Variants in CCDC192 observed in about 807,000 individuals in gnomAD.
CCDC192 encodes coiled-coil domain-containing protein 192.
At chr5:127,735,369 C>G (rs1195199660) in intron 2 of CCDC192, among the ~76,000 whole-genome samples, 2 of 148,256 alleles carry the variant, frequency 1.3e-5, no homozygotes, top group African/African-American at 5.2e-5. Flanking sequence ...TGTGATGCCT[C>G]CAGCTTTGTT....
chr5:127,763,996 C>T (rs1000463106), intron 3 of CCDC192, among the ~76,000 whole-genome samples: 7 of 152,254 alleles, frequency 4.6e-5, no homozygotes, highest in South Asian at 2.1e-4. Flanking sequence ...TCCCACCTCC[C>T]GCCGATAATA....
rs1756791854 is a variant in CCDC192 at position 127,790,289 on chromosome 5, A to G, written c.223-6814A>G. On this transcript the variant is annotated intron_variant, in intron 3 of 6. Coordinates refer to ENST00000514853, the MANE Select transcript of CCDC192 (RefSeq NM_001317938.2). ...GAAATATCTATCTTATGCCTGTACC[A>G]TCCTGTATTTTGGGGCTTGGAGGCC... 3.3e-5 allele frequency among the ~76,000 whole-genome samples: 5 copies of G among 152,036 alleles called. No homozygotes were observed. In the South Asian group the frequency reaches 1.0e-3, roughly 32 times the overall value.
chr5:127,792,970 G>A (rs1180167255), intron 3 of CCDC192, among the ~76,000 whole-genome samples: 1 of 152,128 alleles, frequency 6.6e-6, no homozygotes, highest in African/African-American at 2.4e-5. Context: ...CTTGAAAATA[G>A]ATGTCTTAGT....
At chr5:127,896,985 A>G (rs369913360) in intron 6 of CCDC192, among the ~76,000 whole-genome samples, 3 of 152,064 alleles carry the variant, frequency 2.0e-5, no homozygotes, top group East Asian at 3.9e-4. Flanking sequence ...TATGGAGCAA[A>G]TGTACCAGAA....
chr5:127,723,327 ATTTG>A (rs141966462), intron 2 of CCDC192, among the ~76,000 whole-genome samples: 8,375 of 152,194 alleles, frequency 0.055, 525 homozygotes, highest in East Asian at 0.27. Flanking sequence ...ACTTTACTAA[ATTTG>A]TTTGTCAGTT....
intron 5 of CCDC192, among the ~76,000 whole-genome samples, chr5:127,837,961 A>C (rs2539715): frequency 1.3e-5 from 2 of 152,046 alleles, no homozygotes; most frequent in Admixed American, 6.6e-5. Context: ...GCACTCCAGC[A>C]CTCCAGCCTG....
intron 5 of CCDC192, among the ~76,000 whole-genome samples, chr5:127,811,542 G>A (rs1758082284): frequency 6.6e-6 from 1 of 152,164 alleles, no homozygotes; most frequent in Admixed American, 6.5e-5. Flanking sequence ...AGATAGTTGA[G>A]TCAAAATGTG....
chr5:127,711,587 G>A (rs931552723), intron 2 of CCDC192, among the ~76,000 whole-genome samples: 7 of 151,964 alleles, frequency 4.6e-5, no homozygotes, highest in African/African-American at 1.7e-4. Context: ...CATATTTCTG[G>A]TATCTATAAA....
chr5:127,778,604 G>C (rs1025321862), intron 3 of CCDC192, among the ~76,000 whole-genome samples: 2 of 152,146 alleles, frequency 1.3e-5, no homozygotes, highest in African/African-American at 4.8e-5. Flanking sequence ...TTTAGTATTA[G>C]GGTAACATAT....
intron 5 of CCDC192, among the ~76,000 whole-genome samples, chr5:127,847,738 A>C (rs1017204462): frequency 5.9e-5 from 9 of 151,918 alleles, no homozygotes; most frequent in African/African-American, 1.9e-4. Context: ...AGGAGAATCC[A>C]CTTGAACCTG....
intron 2 of CCDC192, among the ~76,000 whole-genome samples, chr5:127,709,330 G>A (rs1288840657): frequency 6.6e-6 from 1 of 152,012 alleles, no homozygotes; most frequent in Non-Finnish European, 1.5e-5. Flanking sequence ...CCAAGGGGAT[G>A]GGGCTAAACC....
intron 5 of CCDC192, among the ~76,000 whole-genome samples, chr5:127,865,962 T>C (rs1472762095): frequency 6.6e-6 from 1 of 151,954 alleles, no homozygotes; most frequent in Non-Finnish European, 1.5e-5. Flanking sequence ...CCCTCTGAGC[T>C]TTTTTTTATA....
intron 6 of CCDC192, among the ~76,000 whole-genome samples, chr5:127,900,164 C>T (rs1027621842): frequency 2.0e-5 from 3 of 152,172 alleles, no homozygotes; most frequent in Non-Finnish European, 4.4e-5. Context: ...CCTCAGTTTT[C>T]TCATTGCCTT....
chr5:127,854,463 A>C (rs144482832), intron 5 of CCDC192, among the ~76,000 whole-genome samples: 249 of 152,260 alleles, frequency 1.6e-3, no homozygotes, highest in African/African-American at 5.5e-3. Context: ...TTTTATTATT[A>C]ATAGTTAATC....
intron 3 of CCDC192, among the ~76,000 whole-genome samples, chr5:127,792,957 A>C (rs975295394): frequency 1.3e-5 from 2 of 152,160 alleles, no homozygotes; most frequent in African/African-American, 4.8e-5. Flanking sequence ...AACAATCACC[A>C]AACTTGAAAA....
At chr5:127,849,254 G>T (rs1190680327) in intron 5 of CCDC192, among the ~76,000 whole-genome samples, 3 of 152,028 alleles carry the variant, frequency 2.0e-5, no homozygotes, top group Non-Finnish European at 4.4e-5. Context: ...ATAAATAAAA[G>T]GACATTGAAT....
At chr5:127,746,609 A>G (rs1398031236) in intron 2 of CCDC192, among the ~76,000 whole-genome samples, 1 of 128,022 alleles carries the variant, frequency 7.8e-6, no homozygotes, top group Non-Finnish European at 1.7e-5. Context: ...TTTTGTTTAA[A>G]GCCTTTTTTT....
intron 5 of CCDC192, among the ~76,000 whole-genome samples, chr5:127,871,005 C>T (rs1751831689): frequency 6.6e-6 from 1 of 152,220 alleles, no homozygotes; most frequent in Non-Finnish European, 1.5e-5. Flanking sequence ...TACAGGCTCT[C>T]TAAGTGAAGG....
At chr5:127,763,606 C>A (rs147163232) in intron 3 of CCDC192, among the ~76,000 whole-genome samples, 1 of 152,246 alleles carries the variant, frequency 6.6e-6, no homozygotes, top group African/African-American at 2.4e-5. Context: ...AATCTGTCCT[C>A]TAACAGATCT....
Sources: gnomAD v4.1 joint callset for allele counts (sites outside exome capture counted in the v4.1 genomes callset) on GRCh38, gnomAD v4.1.1 for gene constraint, MANE v1.5 for transcripts, NCBI Gene and HGNC (gene_info 2026-07-23, HGNC 2026-07-21) for gene names.